Variants in CHTF18 observed in about 807,000 individuals in gnomAD.
CHTF18 encodes the protein chromosome transmission fidelity protein 18 homolog.
Under a neutral mutation model 113.4 loss-of-function variants are expected in CHTF18, and 151 were observed. That is an observed-to-expected ratio of 1.33 (90% CI 1.17 to 1.52). The LOEUF is 1.52. Among genes scored for constraint, CHTF18 ranks in the 40% most tolerant of loss-of-function variants. The probability of loss-of-function intolerance (pLI) is 0.00; values close to 1 mark genes in which losing one functional copy is unlikely to be tolerated. For missense variants in CHTF18, 1,982 were observed against 1,381.6 expected, an observed-to-expected ratio of 1.43 and a Z score of -6.89; for synonymous variants, 916 against 598.8, an observed-to-expected ratio of 1.53 and a Z score of -7.74.
intron 15 of CHTF18, 72 bp from the exon 16 acceptor site, chr16:795,060 G>A: frequency 8.2e-7 from 1 of 1,223,662 alleles, no homozygotes; most frequent in Non-Finnish European, 1.1e-6. Context: ...TCTGTGGCGG[G>A]AGGTGGAGGG....
Position 795,335 on chromosome 16 carries a change from C to A in CHTF18, c.2154C>A (p.Thr718=). Residue 718 remains threonine, a synonymous_variant, in exon 16 of 22, where the codon ACC becomes ACA. Transcript: ENST00000262315. ...CTTCCAGCCACACACCCAGGATCAC[C>A]TTCCCCAGCAGCCAGCAGGAGGTGT... ...LFASSHTPRI[T]FPSSQQEAQN... The A allele has an allele frequency of 4.5e-6, 7 of 1,547,802 alleles. No individual in the cohort carries two copies. The highest frequency in any genetic ancestry group is 6.1e-6 in the Non-Finnish European group (7 of 1,146,434).
intron 4 of CHTF18, 127 bp from the exon 5 acceptor site, chr16:790,050 G>A (rs901649527): frequency 1.8e-5 from 28 of 1,536,260 alleles, no homozygotes; most frequent in Non-Finnish European, 2.4e-5. Context: ...CCCCTGTCCA[G>A]TCTCCCACCC....
chr16:797,813 T>G, intron 21 of CHTF18, 26 bp from the exon 22 acceptor site: 2 of 1,592,374 alleles, frequency 1.3e-6, no homozygotes. Context: ...GCCTTACAGC[T>G]GAGGAGCAAC....
rs1377980606 is a variant in CHTF18, at chr16:789,100, GC to G, written c.262del (p.Gln88SerfsTer23). The G allele has an allele frequency of 6.5e-7, 1 of 1,531,834 alleles. No homozygotes were observed. The highest frequency in any genetic ancestry group is 8.8e-7 in the Non-Finnish European group (1 of 1,137,678). The allele number at this position is 1,531,834 out of a possible 1,614,324, so 94.9% of individuals were successfully genotyped here. On this transcript the variant is annotated frameshift_variant, in exon 2 of 22. Coordinates refer to ENST00000262315, the MANE Select transcript of CHTF18 (RefSeq NM_022092.3). LOFTEE classifies it high-confidence loss of function. ...ARKRQVDADL[Q>X]PAGSLPHAPR... ...GGAAGAGGCAGGTGGACGCCGACCT[GC>G]AGCCGGCCGGGTCCCTGCCCCACGG...
At chr16:793,708 C>T (rs550618909) in intron 14 of CHTF18, 5 of 631,418 alleles carry the variant, frequency 7.9e-6, no homozygotes, top group East Asian at 3.2e-5. Context: ...CCAGGGGATG[C>T]TGGCCTGGTC....
intron 4 of CHTF18, 126 bp downstream of exon 4, chr16:789,841 G>A (rs1237012835): frequency 2.3e-6 from 3 of 1,328,094 alleles, no homozygotes; most frequent in South Asian, 1.4e-5. Context: ...GGTGCAGAGG[G>A]GGAGGCTGCG....
rs981281378 is a variant in CHTF18 at position 797,213 on chromosome 16, T to C, written c.2733+121T>C. The C allele has an allele frequency of 2.6e-6, 3 of 1,160,606 alleles. No homozygotes were observed. In the African/African-American group the frequency reaches 5.4e-5, roughly 21 times the overall value. 71.9% of individuals were successfully genotyped at this position (1,160,606 alleles called of 1,614,324 possible). On this transcript the variant is annotated intron_variant, in intron 20 of 21. Coordinates refer to ENST00000262315, the MANE Select transcript of CHTF18 (RefSeq NM_022092.3). ...TGGGGCCAGGGTACCTTTGTGGGTGTGGCTAGGGCCCCTCATGAGGCAGGG... is the reference window on the plus strand; with the variant it reads ...TGGGGCCAGGGTACCTTTGTGGGTGCGGCTAGGGCCCCTCATGAGGCAGGG...
rs1789576319 is a variant in CHTF18, at chr16:796,709, C to G, written c.2457-8C>G. On this transcript the variant is annotated splice_polypyrimidine_tract_variant and splice_region_variant and intron_variant, in intron 18 of 21. Coordinates refer to ENST00000262315, the MANE Select transcript of CHTF18 (RefSeq NM_022092.3). ...TGACCTGCCCTGGTGTCCCCCTGTG[C>G]TGAGCAGGAACGTGGAGGAACTCTG... is the stretch of plus-strand genomic sequence containing the variant. The G allele has an allele frequency of 1.9e-6, 3 of 1,595,202 alleles. No homozygotes were observed. In the East Asian group the frequency reaches 6.7e-5, roughly 36 times the overall value.
chr16:790,917 A>G lies in CHTF18; in HGVS notation c.895-244A>G, dbSNP rs1052549018. On this transcript the variant is annotated intron_variant, in intron 7 of 21. Transcript: ENST00000262315. ...AGTCTCTGTTCCCTTTCCTACCTTC[A>G]CAGCAGCTGACACTGGAGTGCCCCT... is the stretch of plus-strand genomic sequence containing the variant. 24 of 1,432,102 alleles carry G rather than the reference A, an allele frequency of 1.7e-5. No homozygotes were observed. The African/African-American group carries it at 3.0e-4, about 18-fold the overall frequency. The allele number at this position is 1,432,102 out of a possible 1,614,324, so 88.7% of individuals were successfully genotyped here. A position where few individuals can be genotyped will look rare whatever the true frequency, so the allele number is the denominator to read the frequency against.
chr16:790,375 A>G lies in CHTF18; in HGVS notation c.728A>G (p.Gln243Arg). Reference sequence around the variant, plus strand: ...CGGGAGCGGCTGCTTCAGGAGGCCCAGAAGCTTTCAGACACCCTGCACAGG... The same window carrying G: ...CGGGAGCGGCTGCTTCAGGAGGCCCGGAAGCTTTCAGACACCCTGCACAGG... ...ERRERLLQEA[Q>R]KLSDTLHSLR... Residue 243 changes from glutamine (Q) to arginine (R), a missense_variant, in exon 6 of 22, where the codon CAG (glutamine) becomes CGG (arginine). Physicochemically the swap from Gln to Arg is conservative, Grantham distance 43 (BLOSUM62 1). Transcript: ENST00000262315. The G allele has an allele frequency of 6.2e-7, 1 of 1,612,028 alleles. No homozygotes were observed. The highest frequency in any genetic ancestry group is 1.1e-5 in the South Asian group (1 of 90,924).
chr16:792,930 A>G, intron 12 of CHTF18, 36 bp from the exon 13 acceptor site: 1 of 1,543,220 alleles, frequency 6.5e-7, no homozygotes, highest in Middle Eastern at 1.7e-4. Context: ...AGGATGGGGC[A>G]TACCATCGGG....
chr16:795,128 G>A lies in CHTF18; in HGVS notation c.1951-4G>A, dbSNP rs2042300809. The A allele has an allele frequency of 6.5e-7, 1 of 1,543,350 alleles. No individual in the cohort carries two copies. Among genetic ancestry groups the A allele is most frequent in the Non-Finnish European group, 8.7e-7 (1 of 1,143,450 alleles). Reference sequence around the variant, plus strand: ...GGAGCTCAGGGGTTGCCGGCCGCCTGCAGGGCTTGTTTGACAACTTCCTGC... The same window carrying A: ...GGAGCTCAGGGGTTGCCGGCCGCCTACAGGGCTTGTTTGACAACTTCCTGC... On this transcript the variant is annotated splice_region_variant and splice_polypyrimidine_tract_variant and intron_variant, in intron 15 of 21. Coordinates refer to ENST00000262315, the MANE Select transcript of CHTF18 (RefSeq NM_022092.3).
Position 790,268 on chromosome 16 carries a change from A to G in CHTF18, c.698A>G (p.Glu233Gly). ...LASLKKQVDG[E>G]RRERLLQEAQ... ...TCCCTGAAGAAGCAGGTCGACGGCG[A>G]GGTAGGGGCTGCGGGTTTGCTGGGG... The change falls in exon 5 of 22, where the codon GAG becomes GGG. Residue 233 changes from glutamate (E) to glycine (G), a missense_variant and splice_region_variant. Physicochemically the swap from Glu to Gly is moderately conservative, Grantham distance 98. Coordinates refer to ENST00000262315, the MANE Select transcript of CHTF18 (RefSeq NM_022092.3). 1 of 1,607,444 alleles carries G rather than the reference A, an allele frequency of 6.2e-7. No homozygotes were observed. The highest frequency in any genetic ancestry group is 8.5e-7 in the Non-Finnish European group (1 of 1,177,930).
At position 792,954 on chromosome 16, in the gene CHTF18, C is replaced by T. The variant is rs570472189; in HGVS notation, c.1573-12C>T. On this transcript the variant is annotated splice_polypyrimidine_tract_variant and intron_variant, in intron 12 of 21. Coordinates refer to ENST00000262315, the MANE Select transcript of CHTF18 (RefSeq NM_022092.3). Reference sequence around the variant, plus strand: ...CATACCATCGGGCCCTCCAGCAGCCCTTCTCCACCAGGTCTCCCTGCGGCA... The same window carrying T: ...CATACCATCGGGCCCTCCAGCAGCCTTTCTCCACCAGGTCTCCCTGCGGCA... 2.6e-6 allele frequency: 4 copies of T among 1,552,244 alleles called. No individual in the cohort carries two copies. Among genetic ancestry groups the T allele is most frequent in the Middle Eastern group, 3.4e-4 (2 of 5,902 alleles).
rs1044666158 is a variant in CHTF18, at chr16:791,550, C to T, written c.1104+180C>T. On this transcript the variant is annotated intron_variant, in intron 8 of 21. Coordinates refer to ENST00000262315, the MANE Select transcript of CHTF18 (RefSeq NM_022092.3). ...GTTGCAGTAACAACTCGGGGGAAGT[C>T]GTTGTCCCTGAAGGGCTCTGCGGCT... 1.1e-4 allele frequency: 158 copies of T among 1,434,510 alleles called. 1 individual carries two copies. Among genetic ancestry groups the T allele is most frequent in the Middle Eastern group, 2.6e-4 (1 of 3,902 alleles). 88.9% of individuals were successfully genotyped at this position (1,434,510 alleles called of 1,614,324 possible). A position where few individuals can be genotyped will look rare whatever the true frequency, so the allele number is the denominator to read the frequency against.
chr16:794,059 G>A lies in CHTF18; in HGVS notation c.1808G>A (p.Arg603His), dbSNP rs200287249. 220 of 1,610,234 alleles carry A rather than the reference G, an allele frequency of 1.4e-4. No individual in the cohort carries two copies. In the African/African-American group the frequency reaches 1.7e-3, roughly 12 times the overall value. ...VFQLPRAQRRRVGQDPALPAD... is the reference protein window; with the variant it reads ...VFQLPRAQRRHVGQDPALPAD... ...CTTCAGCACCCCACCTGCAGGCGCCGTGTGGGCCAGGACCCCGCCCTGCCT... is the reference window on the plus strand; with the variant it reads ...CTTCAGCACCCCACCTGCAGGCGCCATGTGGGCCAGGACCCCGCCCTGCCT... The change falls in exon 15 of 22, where the codon CGT (arginine) becomes CAT (histidine). Residue 603 changes from arginine to histidine, a missense_variant. Physicochemically the swap from Arg to His is conservative, Grantham distance 29. Transcript: ENST00000262315.
rs1332644062 is a variant in CHTF18, at chr16:797,063, A to G, written c.2704A>G (p.Ile902Val). The G allele has an allele frequency of 1.3e-6, 2 of 1,548,498 alleles. No individual in the cohort carries two copies. Among genetic ancestry groups the G allele is most frequent in the South Asian group, 1.2e-5 (1 of 81,276 alleles). The change falls in exon 20 of 22, where the codon ATC (isoleucine) becomes GTC (valine). Residue 902 changes from isoleucine to valine, a missense_variant. Physicochemically the swap from Ile to Val is conservative, Grantham distance 29. Coordinates refer to ENST00000262315, the MANE Select transcript of CHTF18 (RefSeq NM_022092.3). ...PRNHEQRLEH[I>V]MRRAAREEQP... The stretch of plus-strand genomic sequence containing the variant: ...CAACCATGAGCAGCGGCTGGAGCAC[A>G]TCATGAGGCGAGCGGCCCGGGAGGA...
intron 12 of CHTF18, 41 bp from the exon 13 acceptor site, chr16:792,925 G>A: frequency 6.5e-7 from 1 of 1,541,644 alleles, no homozygotes; most frequent in Non-Finnish European, 8.8e-7. Flanking sequence ...CTGAAAGGAT[G>A]GGGCATACCA....
intron 4 of CHTF18, 137 bp from the exon 5 acceptor site, chr16:790,040 C>A: frequency 1.3e-6 from 2 of 1,536,018 alleles, no homozygotes; most frequent in Non-Finnish European, 1.7e-6. Context: ...TCCTTTGGCA[C>A]CCCTGTCCAG....
Sources: allele counts gnomAD v4.1 joint callset, GRCh38; gene constraint gnomAD v4.1.1; transcripts MANE v1.5; gene names NCBI Gene and HGNC (gene_info 2026-07-23, HGNC 2026-07-21).